The following ZSWIM6 variants were observed in gnomAD, a reference collection of about 807,000 sequenced individuals.
ZSWIM6 encodes zinc finger SWIM domain-containing protein 6.
ZSWIM6 carries 9 observed loss-of-function variants against 113.2 expected under a neutral mutation model. That is an observed-to-expected ratio of 0.08 (90% CI 0.05 to 0.14). ZSWIM6 has a LOEUF of 0.14. ZSWIM6 is among the 10% of genes least tolerant of loss of function. The pLI is 1.00. For synonymous variants in ZSWIM6, 611 were observed against 606.5 expected, an observed-to-expected ratio of 1.01 and a Z score of -0.11; for missense variants, 1,162 against 1,552.2, an observed-to-expected ratio of 0.75 and a Z score of 4.22.
intron 1 of ZSWIM6, among the ~76,000 whole-genome samples, chr5:61,462,938 T>A (rs1030068179): frequency 1.3e-5 from 2 of 152,212 alleles, no homozygotes; most frequent in Non-Finnish European, 2.9e-5. Flanking sequence ...CTGCATTCTG[T>A]TGCCTCTGAC....
chr5:61,434,188 TATATA>T (rs1746650066), intron 1 of ZSWIM6, among the ~76,000 whole-genome samples: 1 of 147,208 alleles, frequency 6.8e-6, no homozygotes, highest in Non-Finnish European at 1.5e-5. Flanking sequence ...ATATATAACA[TATATA>T]AATATATGTA....
At chr5:61,427,369 A>G (rs934294944) in intron 1 of ZSWIM6, among the ~76,000 whole-genome samples, 2 of 152,236 alleles carry the variant, frequency 1.3e-5, no homozygotes, top group Non-Finnish European at 2.9e-5. Context: ...TACTTATAAT[A>G]CCTAATAGAA....
intron 5 of ZSWIM6, among the ~76,000 whole-genome samples, chr5:61,521,930 G>T (rs1183638818): frequency 6.6e-6 from 1 of 152,100 alleles, no homozygotes; most frequent in Non-Finnish European, 1.5e-5. Context: ...GAAGGACATA[G>T]AATGCTGTTG....
At chr5:61,463,037 C>G (rs946054748) in intron 1 of ZSWIM6, among the ~76,000 whole-genome samples, 1 of 152,098 alleles carries the variant, frequency 6.6e-6, no homozygotes, top group African/African-American at 2.4e-5. Flanking sequence ...TGAATTGCTT[C>G]TAATATACAA....
intron 3 of ZSWIM6, 138 bp from the exon 4 acceptor site, chr5:61,494,122 C>CCA (rs35518308): frequency 0.012 from 8,410 of 701,056 alleles, 3 homozygotes; most frequent in East Asian, 0.017. Context: ...CTATCCTCCA[C>CCA]CACACACACA....
At chr5:61,338,503 G>C in intron 1 of ZSWIM6, among the ~76,000 whole-genome samples, 1 of 152,122 alleles carries the variant, frequency 6.6e-6, no homozygotes, top group Non-Finnish European at 1.5e-5. Context: ...TGAGATGTTT[G>C]ATTTATGTAA....
At chr5:61,441,894 T>C (rs776028607) in intron 1 of ZSWIM6, among the ~76,000 whole-genome samples, 1 of 152,194 alleles carries the variant, frequency 6.6e-6, no homozygotes, top group East Asian at 1.9e-4. Context: ...AGCCTATCAC[T>C]GAGACAGTAA....
chr5:61,535,752 T>C, intron 10 of ZSWIM6, 133 bp downstream of exon 10: 1 of 1,184,606 alleles, frequency 8.4e-7, no homozygotes, highest in Non-Finnish European at 1.2e-6. Context: ...TTATGCTTCC[T>C]GTATTGTTGT....
At chr5:61,353,450 G>A (rs1311078813) in intron 1 of ZSWIM6, among the ~76,000 whole-genome samples, 1 of 152,194 alleles carries the variant, frequency 6.6e-6, no homozygotes, top group Non-Finnish European at 1.5e-5. Context: ...CAGCTCTCAA[G>A]TGGGATCATG....
intron 1 of ZSWIM6, among the ~76,000 whole-genome samples, chr5:61,343,791 G>A (rs548482094): frequency 1.3e-5 from 2 of 151,894 alleles, no homozygotes; most frequent in Admixed American, 6.6e-5. Flanking sequence ...TGTTTTATGT[G>A]AGCAAACTTT....
At chr5:61,418,569 T>G (rs1746298973) in intron 1 of ZSWIM6, among the ~76,000 whole-genome samples, 2 of 151,858 alleles carry the variant, frequency 1.3e-5, no homozygotes, top group Admixed American at 1.3e-4. Flanking sequence ...TACTCTATGA[T>G]TTTTATTTAA....
chr5:61,520,717 AAGG>A (rs1219276880), intron 4 of ZSWIM6, among the ~76,000 whole-genome samples: 2 of 152,168 alleles, frequency 1.3e-5, no homozygotes, highest in African/African-American at 4.8e-5. Flanking sequence ...TTGAAATTAT[AAGG>A]AGAACAGGAA....
intron 1 of ZSWIM6, among the ~76,000 whole-genome samples, chr5:61,365,374 A>G (rs955805430): frequency 2.0e-5 from 3 of 151,618 alleles, no homozygotes; most frequent in Non-Finnish European, 2.9e-5. Flanking sequence ...TTATATATAT[A>G]TATTTTATCA....
At chr5:61,398,954 G>A (rs1443071055) in intron 1 of ZSWIM6, among the ~76,000 whole-genome samples, 1 of 112,178 alleles carries the variant, frequency 8.9e-6, no homozygotes, top group Admixed American at 1.3e-4. Flanking sequence ...ACAGAATCTC[G>A]CTCTGTCACC....
chr5:61,425,218 A>T (rs1263068320), intron 1 of ZSWIM6, among the ~76,000 whole-genome samples: 3 of 152,172 alleles, frequency 2.0e-5, no homozygotes, highest in African/African-American at 7.2e-5. Context: ...ACTATGATAG[A>T]CCACTGAATA....
At chr5:61,356,649 C>T (rs1025975220) in intron 1 of ZSWIM6, among the ~76,000 whole-genome samples, 11 of 142,800 alleles carry the variant, frequency 7.7e-5, no homozygotes, top group Middle Eastern at 7.4e-3. Flanking sequence ...AGCTGTCTTA[C>T]AGGTTTGATA....
At chr5:61,441,228 A>G (rs1746827449) in intron 1 of ZSWIM6, among the ~76,000 whole-genome samples, 1 of 152,204 alleles carries the variant, frequency 6.6e-6, no homozygotes, top group Admixed American at 6.5e-5. Flanking sequence ...CGAAGTTGAT[A>G]GACTTGATAG....
chr5:61,332,326 G>A lies in ZSWIM6; in HGVS notation c.54G>A (p.Pro18=), dbSNP rs1439290689. The A allele has an allele frequency of 4.5e-6, 5 of 1,117,440 alleles. No individual in the cohort carries two copies. The highest frequency in any genetic ancestry group is 4.1e-5 in the East Asian group (1 of 24,536). The allele number at this position is 1,117,440 out of a possible 1,614,324, so 69.2% of individuals were successfully genotyped here. A position where few individuals can be genotyped will look rare whatever the true frequency, so the allele number is the denominator to read the frequency against. Residue 18 remains proline (P), a synonymous_variant, in exon 1 of 14, where the codon CCG becomes CCA. Transcript: ENST00000252744. ...PPPAKRLCCR[P]GGGGGGGGSS... is the part of the protein sequence containing the mutation. ...CCGCGAAACGGCTTTGCTGCCGGCCGGGCGGCGGCGGCGGCGGCGGGGGCA... is the reference window on the plus strand; with the variant it reads ...CCGCGAAACGGCTTTGCTGCCGGCCAGGCGGCGGCGGCGGCGGCGGGGGCA...
chr5:61,501,798 A>G (rs1290291736), intron 4 of ZSWIM6, among the ~76,000 whole-genome samples: 11 of 152,294 alleles, frequency 7.2e-5, no homozygotes, highest in South Asian at 2.1e-4. Flanking sequence ...TACTTACAGC[A>G]TTAGTCCATT....
Sources: gnomAD v4.1 joint callset for allele counts (sites outside exome capture counted in the v4.1 genomes callset) on GRCh38, gnomAD v4.1.1 for gene constraint, MANE v1.5 for transcripts, NCBI Gene and HGNC (gene_info 2026-07-23, HGNC 2026-07-21) for gene names.